Variants in MYOZ2 observed in about 807,000 individuals in gnomAD.
MYOZ2 encodes the protein myozenin 2.
MYOZ2 carries 19 observed loss-of-function variants against 25.4 expected under a neutral mutation model. That is an observed-to-expected ratio of 0.75 (90% confidence interval 0.52 to 1.10). The LOEUF (loss-of-function observed/expected upper bound fraction) is 1.10, where lower values mean the gene tolerates loss of function less well. MYOZ2 is among the 50% of genes least tolerant of loss of function. The pLI is 0.00. For missense variants in MYOZ2, 270 were observed against 317.9 expected (o/e 0.85, Z 1.15); for synonymous variants, 92 against 106.9 (o/e 0.86, Z 0.86).
intron 2 of MYOZ2, among the ~76,000 whole-genome samples, chr4:119,141,585 T>C (rs1741159740): frequency 6.6e-6 from 1 of 152,156 alleles, no homozygotes; most frequent in South Asian, 2.1e-4. Flanking sequence ...TTTTGCCATG[T>C]TGGCAGGGCT....
rs539585377 is a variant in MYOZ2, at chr4:119,159,724, T to C, written c.376+1573T>C. 6.6e-5 allele frequency among the ~76,000 whole-genome samples: 10 copies of C among 152,278 alleles called. No individual in the cohort carries two copies. In the East Asian group the frequency reaches 1.2e-3, roughly 18 times the overall value. ...AAATGTAATACTATTTTTGAAAATA[T>C]GTAAATATTTTGAGATAATGTTATA... is the stretch of plus-strand genomic sequence containing the variant. On this transcript the variant is annotated intron_variant, in intron 4 of 5. Coordinates refer to ENST00000307128, the MANE Select transcript of MYOZ2 (RefSeq NM_016599.5).
chr4:119,153,576 C>T (rs1343897611), intron 3 of MYOZ2, among the ~76,000 whole-genome samples: 1 of 152,086 alleles, frequency 6.6e-6, no homozygotes, highest in Non-Finnish European at 1.5e-5. Context: ...ACTTTTACTG[C>T]TTCCCTTGAG....
chr4:119,154,905 TC>T (rs1418308789), intron 3 of MYOZ2, among the ~76,000 whole-genome samples: 1 of 149,676 alleles, frequency 6.7e-6, no homozygotes, highest in East Asian at 1.9e-4. Context: ...CCTTTCTTAG[TC>T]CATCCATGTT....
intron 3 of MYOZ2, among the ~76,000 whole-genome samples, chr4:119,151,586 C>G (rs771839461): frequency 1.5e-4 from 23 of 152,054 alleles, no homozygotes; most frequent in Non-Finnish European, 2.4e-4. Flanking sequence ...TTCCCCAACT[C>G]AAAGCTAATA....
At chr4:119,174,329 T>G (rs949068649) in intron 5 of MYOZ2, among the ~76,000 whole-genome samples, 4 of 152,014 alleles carry the variant, frequency 2.6e-5, no homozygotes, top group Admixed American at 1.3e-4. Flanking sequence ...TGTATCTAGC[T>G]CAAGGTTTGT....
At chr4:119,140,606 T>C (rs1444984056) in intron 2 of MYOZ2, among the ~76,000 whole-genome samples, 1 of 152,156 alleles carries the variant, frequency 6.6e-6, no homozygotes, top group Non-Finnish European at 1.5e-5. Flanking sequence ...AGAAAATGAG[T>C]ACAAGAGAAC....
chr4:119,179,893 T>C (rs1742153835), intron 5 of MYOZ2, among the ~76,000 whole-genome samples: 1 of 152,258 alleles, frequency 6.6e-6, no homozygotes, highest in Non-Finnish European at 1.5e-5. Context: ...AATCCATTCA[T>C]GAGGGCAGCG....
At chr4:119,149,961 A>AATTATTT (rs1183309207) in intron 2 of MYOZ2, among the ~76,000 whole-genome samples, 2 of 152,196 alleles carry the variant, frequency 1.3e-5, no homozygotes, top group Non-Finnish European at 2.9e-5. Context: ...CAATCAAAAT[A>AATTATTT]ATTATTTATT....
At chr4:119,163,487 A>G (rs72910569) in intron 4 of MYOZ2, among the ~76,000 whole-genome samples, 4 of 152,356 alleles carry the variant, frequency 2.6e-5, no homozygotes, top group African/African-American at 9.6e-5. Context: ...AAAGGTTTAA[A>G]GATCTATGCC....
rs10049884 is a variant in MYOZ2, at chr4:119,152,119, C to A, written c.246+1078C>A. 3.8e-3 allele frequency among the ~76,000 whole-genome samples: 571 copies of A among 152,184 alleles called. 6 individuals carry two copies. The highest frequency in any genetic ancestry group is 0.013 in the African/African-American group (550 of 41,542). ...ATTTATTTTCATATTTGTGAGCATT[C>A]TTCAGCCATCCATTGATTAAATCTA... On this transcript the variant is annotated intron_variant, in intron 3 of 5. Coordinates refer to ENST00000307128, the MANE Select transcript of MYOZ2 (RefSeq NM_016599.5).
rs375219403 is a variant in MYOZ2 at position 119,146,253 on chromosome 4, T to C, written c.77-4619T>C. 1.2e-4 allele frequency among the ~76,000 whole-genome samples: 19 copies of C among 152,172 alleles called. No homozygotes were observed. In the South Asian group the frequency reaches 2.7e-3, roughly 22 times the overall value. On this transcript the variant is annotated intron_variant, in intron 2 of 5. Coordinates refer to ENST00000307128, the MANE Select transcript of MYOZ2 (RefSeq NM_016599.5). ...TCTGCTCTTATCTTTACTATTTCTTTCGTTCTGCTTGCTTTGAGTTTATTT... is the reference window on the plus strand; with the variant it reads ...TCTGCTCTTATCTTTACTATTTCTTCCGTTCTGCTTGCTTTGAGTTTATTT...
chr4:119,157,673 A>C (rs968960432), intron 3 of MYOZ2, among the ~76,000 whole-genome samples: 7 of 152,188 alleles, frequency 4.6e-5, no homozygotes, highest in Non-Finnish European at 4.4e-5. Flanking sequence ...ATTAGTAAGG[A>C]TTCAAAAATT....
chr4:119,175,023 G>A (rs182665337), intron 5 of MYOZ2, among the ~76,000 whole-genome samples: 193 of 151,816 alleles, frequency 1.3e-3, no homozygotes, highest in Non-Finnish European at 2.0e-3. Context: ...AAGAAACTCC[G>A]AACACATCCG....
intron 2 of MYOZ2, among the ~76,000 whole-genome samples, chr4:119,139,283 G>C (rs1442839230): frequency 2.6e-5 from 4 of 152,148 alleles, no homozygotes; most frequent in Non-Finnish European, 4.4e-5. Context: ...TGGTAAAGCT[G>C]TCCTGGTTAC....
Position 119,186,349 on chromosome 4 carries a change from A to C in MYOZ2, c.*149A>C. On this transcript the variant is annotated 3_prime_UTR_variant, in exon 6 of 6. Transcript: ENST00000307128. ...TTTTCTGACATTCAATTTCAATCTC[A>C]GATCAAATACTAATAAACAATTAGA... The C allele has an allele frequency of 1.5e-6, 1 of 646,434 alleles. No individual in the cohort carries two copies. Among genetic ancestry groups the C allele is most frequent in the Non-Finnish European group, 2.7e-6 (1 of 372,892 alleles). The allele number at this position is 646,434 out of a possible 1,614,324, so 40.0% of individuals were successfully genotyped here.
intron 4 of MYOZ2, 110 bp downstream of exon 4, chr4:119,158,261 C>G: frequency 6.9e-7 from 1 of 1,441,312 alleles, no homozygotes; most frequent in Non-Finnish European, 9.5e-7. Context: ...TATCTTTTCT[C>G]ATTAAGTATG....
At chr4:119,177,477 T>C (rs1742101341) in intron 5 of MYOZ2, among the ~76,000 whole-genome samples, 1 of 152,186 alleles carries the variant, frequency 6.6e-6, no homozygotes, top group Admixed American at 6.5e-5. Context: ...ACAATTTGAA[T>C]TGTCCTAGAA....
chr4:119,140,579 C>T (rs1741141435), intron 2 of MYOZ2, among the ~76,000 whole-genome samples: 1 of 152,102 alleles, frequency 6.6e-6, no homozygotes, highest in Admixed American at 6.6e-5. Context: ...AGCATCTAAC[C>T]CCTAATAAGG....
At chr4:119,140,603 G>A (rs1177831872) in intron 2 of MYOZ2, among the ~76,000 whole-genome samples, 3 of 152,304 alleles carry the variant, frequency 2.0e-5, no homozygotes, top group South Asian at 2.1e-4. Flanking sequence ...TCCAGAAAAT[G>A]AGTACAAGAG....
Sources: gnomAD v4.1 joint callset for allele counts (sites outside exome capture counted in the v4.1 genomes callset) on GRCh38, gnomAD v4.1.1 for gene constraint, MANE v1.5 for transcripts, NCBI Gene and HGNC (gene_info 2026-07-23, HGNC 2026-07-21) for gene names.